Variants in PCCA observed in about 807,000 individuals in gnomAD.
PCCA encodes the protein propionyl-CoA carboxylase subunit alpha.
PCCA carries 74 observed loss-of-function variants against 101.3 expected under a neutral mutation model. That is an observed-to-expected ratio of 0.73 (90% CI 0.61 to 0.89). The LOEUF is 0.89. Among genes scored for constraint, PCCA ranks in the 40% least tolerant of loss-of-function variants. The pLI, the probability that PCCA is intolerant of heterozygous loss-of-function variation, is 0.00. For synonymous variants in PCCA, 294 were observed against 313.6 expected (o/e 0.94, Z 0.66); for missense variants, 891 against 907.0 (o/e 0.98, Z 0.23).
intron 9 of PCCA, among the ~76,000 whole-genome samples, chr13:100,259,497 G>A (rs1279495466): frequency 6.6e-6 from 1 of 151,728 alleles, no homozygotes; most frequent in Non-Finnish European, 1.5e-5. Flanking sequence ...ACCACACCCA[G>A]CTAATTTTTG....
chr13:100,375,816 G>A (rs2075866341), intron 19 of PCCA, among the ~76,000 whole-genome samples: 1 of 152,108 alleles, frequency 6.6e-6, no homozygotes, highest in African/African-American at 2.4e-5. Flanking sequence ...ATGTAAACGG[G>A]CTAAATGCCC....
At chr13:100,159,491 CTA>C (rs1248760201) in intron 6 of PCCA, among the ~76,000 whole-genome samples, 1 of 152,094 alleles carries the variant, frequency 6.6e-6, no homozygotes, top group African/African-American at 2.4e-5. Flanking sequence ...TCCATGGGTG[CTA>C]TGAGTCCTGG....
intron 7 of PCCA, among the ~76,000 whole-genome samples, chr13:100,217,781 G>A (rs2059600036): frequency 6.8e-6 from 1 of 147,498 alleles, no homozygotes; most frequent in African/African-American, 2.5e-5. Flanking sequence ...CTAGAACCCT[G>A]GGGGCGGAGG....
intron 6 of PCCA, among the ~76,000 whole-genome samples, chr13:100,172,957 C>T (rs1490958233): frequency 1.3e-5 from 2 of 152,228 alleles, no homozygotes; most frequent in Non-Finnish European, 2.9e-5. Flanking sequence ...AGAGATTATA[C>T]AGCTTGTTGT....
At chr13:100,419,028 T>A (rs1030238468) in intron 19 of PCCA, among the ~76,000 whole-genome samples, 31 of 151,354 alleles carry the variant, frequency 2.0e-4, no homozygotes, top group African/African-American at 7.2e-4. Context: ...TTTTTTTTTT[T>A]AAATATGATA....
At chr13:100,105,889 GA>G (rs1301840972) in intron 2 of PCCA, among the ~76,000 whole-genome samples, 186 of 126,494 alleles carry the variant, frequency 1.5e-3, no homozygotes, top group African/African-American at 5.1e-3. Context: ...AAAAGAAAAG[GA>G]AAAAAAGAAA....
rs200495109 is a variant in PCCA, at chr13:100,425,849, CT to C, written c.1845+123del. The C allele has an allele frequency of 1.6e-4, 115 of 719,544 alleles. 1 individual carries two copies. In the East Asian group the frequency reaches 3.0e-3, roughly 19 times the overall value. 44.6% of individuals were successfully genotyped at this position (719,544 alleles called of 1,614,324 possible). On this transcript the variant is annotated intron_variant, in intron 20 of 23. Coordinates refer to ENST00000376285, the MANE Select transcript of PCCA (RefSeq NM_000282.4). ...AAAGCTGTATTTTATTCACCTTATA[CT>C]TTTTACAGTCGAAAACTTTTTCTTT...
chr13:100,374,891 T>C (rs575018287), intron 19 of PCCA, among the ~76,000 whole-genome samples: 1 of 152,334 alleles, frequency 6.6e-6, no homozygotes, highest in South Asian at 2.1e-4. Flanking sequence ...ATCTTAGTTA[T>C]TTCTTGTCTT....
At chr13:100,352,601 C>T (rs2073411482) in intron 18 of PCCA, among the ~76,000 whole-genome samples, 1 of 151,712 alleles carries the variant, frequency 6.6e-6, no homozygotes, top group East Asian at 1.9e-4. Flanking sequence ...GCTATGTTAC[C>T]CAGGCAAGTC....
At chr13:100,188,323 A>AC (rs1198722741) in intron 6 of PCCA, among the ~76,000 whole-genome samples, 2 of 147,266 alleles carry the variant, frequency 1.4e-5, no homozygotes, top group Non-Finnish European at 3.0e-5. Flanking sequence ...ACAAAACAAA[A>AC]CAAAAACACA....
intron 6 of PCCA, among the ~76,000 whole-genome samples, chr13:100,168,314 T>C (rs540452042): frequency 6.6e-6 from 1 of 152,242 alleles, no homozygotes; most frequent in East Asian, 1.9e-4. Flanking sequence ...CAAACCAGCC[T>C]CTCCACACAT....
rs557292420 is a variant in PCCA, at chr13:100,312,245, G to A, written c.1429+2337G>A. Among the ~76,000 whole-genome samples, 97 of 152,248 alleles carry A rather than the reference G, an allele frequency of 6.4e-4. 1 individual carries two copies. Among genetic ancestry groups the A allele is most frequent in the African/African-American group, 2.1e-3 (89 of 41,550 alleles). On this transcript the variant is annotated intron_variant, in intron 16 of 23. Coordinates refer to ENST00000376285, the MANE Select transcript of PCCA (RefSeq NM_000282.4). ...ATAGCTTTGTAGGTGCCCCAATAGG[G>A]GATTGAAAAAGGGTAGTGGGAGTTT...
At chr13:100,441,317 A>G (rs1566310847) in intron 20 of PCCA, among the ~76,000 whole-genome samples, 1 of 152,234 alleles carries the variant, frequency 6.6e-6, no homozygotes, top group Non-Finnish European at 1.5e-5. Flanking sequence ...GGCCTTTAAA[A>G]CATATTACCA....
intron 1 of PCCA, among the ~76,000 whole-genome samples, chr13:100,097,354 T>C (rs1280663857): frequency 6.6e-6 from 1 of 152,132 alleles, no homozygotes; most frequent in Non-Finnish European, 1.5e-5. Flanking sequence ...GTGGATATAC[T>C]AAAAACCACG....
At chr13:100,286,695 A>G (rs1016553353) in intron 12 of PCCA, among the ~76,000 whole-genome samples, 2 of 151,632 alleles carry the variant, frequency 1.3e-5, no homozygotes, top group African/African-American at 4.8e-5. Context: ...TTGATTTTCC[A>G]AAAGAAGAAG....
intron 12 of PCCA, among the ~76,000 whole-genome samples, chr13:100,292,305 T>G (rs1005487774): frequency 6.6e-6 from 1 of 152,248 alleles, no homozygotes; most frequent in African/African-American, 2.4e-5. Flanking sequence ...ATCTACTGTT[T>G]TCACTCAGAG....
At chr13:100,365,104 A>G (rs2075036658) in intron 18 of PCCA, among the ~76,000 whole-genome samples, 1 of 152,210 alleles carries the variant, frequency 6.6e-6, no homozygotes, top group Admixed American at 6.5e-5. Context: ...TTAAGTTTGT[A>G]GAAGAAGCAG....
intron 10 of PCCA, 120 bp from the exon 11 acceptor site, chr13:100,268,569 A>G (rs2063095597): frequency 1.3e-6 from 1 of 772,440 alleles, no homozygotes. Flanking sequence ...TTTGAGAGGT[A>G]TGTATATACT....
Position 100,309,584 on chromosome 13 carries a change from G to A in PCCA, c.1354-249G>A, listed in dbSNP as rs1165170249. Among the ~76,000 whole-genome samples, 3 of 151,848 alleles carry A rather than the reference G, an allele frequency of 2.0e-5. No individual in the cohort carries two copies. In the East Asian group the frequency reaches 5.8e-4, roughly 29 times the overall value. ...TTTTTTCTGTACTTACTTTTGTTACGTTTTTGTTTTTGTAAAATCACTCTT... is the reference window on the plus strand; with the variant it reads ...TTTTTTCTGTACTTACTTTTGTTACATTTTTGTTTTTGTAAAATCACTCTT... On this transcript the variant is annotated intron_variant, in intron 15 of 23. Coordinates refer to ENST00000376285, the MANE Select transcript of PCCA (RefSeq NM_000282.4).
Sources: allele counts gnomAD v4.1 joint callset (sites outside exome capture counted in the v4.1 genomes callset), GRCh38; gene constraint gnomAD v4.1.1; transcripts MANE v1.5; gene names NCBI Gene and HGNC (gene_info 2026-07-23, HGNC 2026-07-21).